Variants in B4GALNT4 observed in about 807,000 individuals in gnomAD.
The protein encoded by B4GALNT4 is beta-1,4-N-acetyl-galactosaminyltransferase 4, also known as N-acetyl-beta-glucosaminyl-glycoprotein 4-beta-N-acetylgalactosaminyltransferase 1.
B4GALNT4 carries 77 observed loss-of-function variants against 110.0 expected under a neutral mutation model. The observed-to-expected ratio is 0.70, with a 90% CI of 0.58 to 0.85. The LOEUF (loss-of-function observed/expected upper bound fraction) is 0.85, where lower values mean the gene tolerates loss of function less well. B4GALNT4 is among the 40% of genes least tolerant of loss of function. The probability of loss-of-function intolerance (pLI) is 0.00; values close to 1 mark genes in which losing one functional copy is unlikely to be tolerated. For synonymous variants in B4GALNT4, 785 were observed against 655.5 expected (o/e 1.20, Z -3.02); for missense variants, 1,575 against 1,506.0 (o/e 1.05, Z -0.76).
chr11:373,150 C>T (rs371496134), intron 5 of B4GALNT4, 34 bp downstream of exon 5: 53 of 1,611,844 alleles, frequency 3.3e-5, no homozygotes, highest in Non-Finnish European at 4.3e-5. Context: ...GGGAGGGGTG[C>T]CGTGAGGCTC....
chr11:376,057 GCC>G lies in B4GALNT4; in HGVS notation c.1096-11_1096-10del. The G allele has an allele frequency of 6.3e-7, 1 of 1,579,362 alleles. No homozygotes were observed. Among genetic ancestry groups the G allele is most frequent in the Non-Finnish European group, 8.7e-7 (1 of 1,150,864 alleles). Reference sequence around the variant, plus strand: ...GGGAGGTCCGCGCCCTGAGCCCTGCGCCCCCCCACCCCCCAGGTGTACCTGTC... The same window carrying G: ...GGGAGGTCCGCGCCCTGAGCCCTGCGCCCCCACCCCCCAGGTGTACCTGTC... On this transcript the variant is annotated splice_polypyrimidine_tract_variant and intron_variant, in intron 11 of 19. Transcript: ENST00000329962.
chr11:373,508 G>C lies in B4GALNT4; in HGVS notation c.696G>C (p.Lys232Asn). The change falls in exon 7 of 20, where the codon AAG (lysine) becomes AAC (asparagine). Residue 232 changes from lysine (K) to asparagine (N), a missense_variant. Lys to Asn is a moderately conservative substitution (Grantham distance 94). Transcript: ENST00000329962. ...CCAAGTTCAGCTCCCAGGTGTCCAA[G>C]CCCAGGCGGTGAGTGACTGTGGGGT... ...EFTKFSSQVS[K>N]PRRLMASRRY... 6.2e-7 allele frequency: 1 copy of C among 1,611,308 alleles called. No homozygotes were observed. Among genetic ancestry groups the C allele is most frequent in the South Asian group, 1.1e-5 (1 of 91,038 alleles).
chr11:376,626 C>G lies in B4GALNT4; in HGVS notation c.1503C>G (p.Ala501=). 1 of 1,413,444 alleles carries G rather than the reference C, an allele frequency of 7.1e-7. No individual in the cohort carries two copies. Among genetic ancestry groups the G allele is most frequent in the Non-Finnish European group, 9.2e-7 (1 of 1,085,248 alleles). The allele number at this position is 1,413,444 out of a possible 1,614,324, so 87.6% of individuals were successfully genotyped here. A position where few individuals can be genotyped will look rare whatever the true frequency, so the allele number is the denominator to read the frequency against. ...CCCTGAGCTGGGCCGCCAGGGCCGCCCGCCCTTTGCCGCTCTTCTTGGGCC... is the reference window on the plus strand; with the variant it reads ...CCCTGAGCTGGGCCGCCAGGGCCGCGCGCCCTTTGCCGCTCTTCTTGGGCC... ...SRALSWAARA[A]RPLPLFLGRA... is the part of the protein sequence containing the mutation. Residue 501 remains alanine (A), a synonymous_variant, in exon 14 of 20, where the codon GCC becomes GCG. Transcript: ENST00000329962.
At chr11:377,424 C>T (rs2133575931) in intron 14 of B4GALNT4, 97 bp downstream of exon 14, 1 of 1,319,460 alleles carries the variant, frequency 7.6e-7, no homozygotes, top group East Asian at 3.0e-5. Context: ...AGACCTTCCC[C>T]AGGGCCCAGT....
intron 3 of B4GALNT4, 40 bp downstream of exon 3, chr11:372,794 G>C: frequency 1.3e-6 from 2 of 1,535,796 alleles, no homozygotes; most frequent in Non-Finnish European, 8.8e-7. Flanking sequence ...GAGGCAGGGC[G>C]GGGGCTGGGG....
At chr11:373,421 C>G in intron 6 of B4GALNT4, 28 bp from the exon 7 acceptor site, 2 of 1,354,520 alleles carry the variant, frequency 1.5e-6, no homozygotes, top group Non-Finnish European at 2.1e-6. Context: ...CCCCCCCCCA[C>G]CACCACCCCT....
chr11:375,417 C>A, intron 8 of B4GALNT4, 44 bp from the exon 9 acceptor site: 1 of 1,604,430 alleles, frequency 6.2e-7, no homozygotes, highest in South Asian at 1.1e-5. Context: ...TCCCTGGACC[C>A]AGCCACCGCC....
In B4GALNT4 at chr11:377,136, G is replaced by A. The variant is rs1400120004; in HGVS notation, c.2013G>A (p.Ala671=). Reference sequence around the variant, plus strand: ...ACAGCGAGGAGGCCGCGGGCCCGGCGCTCGGACGCTGGCGTGAGGACGCCA... The same window carrying A: ...ACAGCGAGGAGGCCGCGGGCCCGGCACTCGGACGCTGGCGTGAGGACGCCA... The part of the protein sequence containing the change: ...SEDSEEAAGP[A]LGRWREDAID... Residue 671 remains alanine (A), a synonymous_variant, in exon 14 of 20, where the codon GCG becomes GCA. Coordinates refer to ENST00000329962, the MANE Select transcript of B4GALNT4 (RefSeq NM_178537.5). The A allele has an allele frequency of 2.0e-6, 3 of 1,517,378 alleles. No homozygotes were observed. The highest frequency in any genetic ancestry group is 2.6e-6 in the Non-Finnish European group (3 of 1,133,894). The allele number at this position is 1,517,378 out of a possible 1,614,324, so 94.0% of individuals were successfully genotyped here.
Position 380,966 on chromosome 11 carries a change from A to G in B4GALNT4, c.2996+15A>G. The G allele has an allele frequency of 6.2e-7, 1 of 1,607,826 alleles. No individual in the cohort carries two copies. Among genetic ancestry groups the G allele is most frequent in the Non-Finnish European group, 8.5e-7 (1 of 1,177,332 alleles). ...CTCCTGGACAGGTGACCACCTCCCC[A>G]CTCCCCAGAGGTGACACCCTGACCC... is the stretch of plus-strand genomic sequence containing the variant. On this transcript the variant is annotated intron_variant, in intron 19 of 19. Transcript: ENST00000329962.
chr11:381,861 G>A lies in B4GALNT4; in HGVS notation c.*69G>A, dbSNP rs1220977828. ...CTGCTGGGGGCTGGGCTTTGAGCTC[G>A]GTCCCGAGAGACCCGGCAGGGCTGG... On this transcript the variant is annotated 3_prime_UTR_variant, in exon 20 of 20. Transcript: ENST00000329962. 40 of 1,457,604 alleles carry A rather than the reference G, an allele frequency of 2.7e-5. No homozygotes were observed. The highest frequency in any genetic ancestry group is 1.8e-4 in the Middle Eastern group (1 of 5,478). The allele number at this position is 1,457,604 out of a possible 1,614,324, so 90.3% of individuals were successfully genotyped here.
In B4GALNT4 at chr11:376,504, TC is replaced by T; in HGVS notation, c.1386del (p.Ala463ProfsTer32). 1 of 1,523,020 alleles carries T rather than the reference TC, an allele frequency of 6.6e-7. No individual in the cohort carries two copies. Among genetic ancestry groups the T allele is most frequent in the Non-Finnish European group, 8.7e-7 (1 of 1,143,030 alleles). 94.3% of individuals were successfully genotyped at this position (1,523,020 alleles called of 1,614,324 possible). On this transcript the variant is annotated frameshift_variant, in exon 14 of 20. Transcript: ENST00000329962. LOFTEE classifies it high-confidence loss of function. ...GGCCCCGCCCAGGAGCGGCCCCCAGTCCCCCGCCCCAGCAGCCCCCGCCCAG... is the reference window on the plus strand; with the variant it reads ...GGCCCCGCCCAGGAGCGGCCCCCAGTCCCCGCCCCAGCAGCCCCCGCCCAG... ...EAAPPRSGPQ[S>X]PAPAAPAQPG...
At position 375,715 on chromosome 11, in the gene B4GALNT4, G is replaced by C. The variant is rs1363430302; in HGVS notation, c.927G>C (p.Pro309=). ...CCAGCCACGTGGGGGGGCGTCCGCC[G>C]CAGGAGGAGACCAGCGCAGACATGC... ...SPASHVGGRP[P]QEETSADMLR... is the part of the protein sequence containing the mutation. Residue 309 remains proline (P), a synonymous_variant, in exon 10 of 20, where the codon CCG becomes CCC. Transcript: ENST00000329962. The C allele has an allele frequency of 6.3e-7, 1 of 1,595,312 alleles. No homozygotes were observed. The highest frequency in any genetic ancestry group is 8.5e-7 in the Non-Finnish European group (1 of 1,175,232).
chr11:373,408 A>ACCCCCCC (rs376849299), intron 6 of B4GALNT4, 41 bp from the exon 7 acceptor site: 77 of 808,644 alleles, frequency 9.5e-5, no homozygotes, highest in African/African-American at 5.8e-4. Flanking sequence ...GAGAGAGTGA[A>ACCCCCCC]CCCCCCCCCC....
At chr11:372,558 T>C in intron 2 of B4GALNT4, 104 bp from the exon 3 acceptor site, 2 of 1,002,058 alleles carry the variant, frequency 2.0e-6, no homozygotes, top group Non-Finnish European at 3.1e-6. Context: ...TTTAGGGCTG[T>C]GTGGATACAT....
intron 2 of B4GALNT4, 135 bp from the exon 3 acceptor site, chr11:372,527 C>A: frequency 1.2e-6 from 1 of 825,712 alleles, no homozygotes; most frequent in African/African-American, 1.7e-5. Context: ...TCAGGGTTTG[C>A]ATGGCTGGGG....
In B4GALNT4 at chr11:372,973, G is replaced by A. The variant is rs377570874; in HGVS notation, c.444+26G>A. ...GTGAGTGCCGGGGTTGGGGGGTGCC[G>A]GGTGGGCAGGGCACGCAGGGGGCTT... is the stretch of plus-strand genomic sequence containing the variant. On this transcript the variant is annotated intron_variant, in intron 4 of 19. Transcript: ENST00000329962. The A allele has an allele frequency of 2.3e-4, 370 of 1,612,352 alleles. 2 individuals carry two copies. In the Middle Eastern group the frequency reaches 6.6e-3, roughly 29 times the overall value.
chr11:380,815 C>G lies in B4GALNT4; in HGVS notation c.2870-10C>G, dbSNP rs771444346. 3.7e-6 allele frequency: 6 copies of G among 1,613,746 alleles called. No homozygotes were observed. In the Admixed American group the frequency reaches 6.7e-5, roughly 18 times the overall value. On this transcript the variant is annotated splice_polypyrimidine_tract_variant and intron_variant, in intron 18 of 19. Transcript: ENST00000329962. The stretch of plus-strand genomic sequence containing the variant: ...TCTGAAGGGTAGCACCCCTCACCCT[C>G]CCGCCCCAGGTTACTGGGAGGTGAA...
intron 18 of B4GALNT4, 162 bp from the exon 19 acceptor site, chr11:380,663 C>A: frequency 7.5e-7 from 1 of 1,326,256 alleles, no homozygotes; most frequent in Non-Finnish European, 1.1e-6. Flanking sequence ...TTATGCACCG[C>A]GCTCCAGGGT....
Position 376,495 on chromosome 11 carries a change from G to A in B4GALNT4, c.1372G>A (p.Gly458Ser), listed in dbSNP as rs1846756807. The change falls in exon 14 of 20, where the codon GGC becomes AGC. Residue 458 changes from glycine (G) to serine (S), a missense_variant. Transcript: ENST00000329962. ...CACCGAGGCGGCCCCGCCCAGGAGC[G>A]GCCCCCAGTCCCCCGCCCCAGCAGC... ...EPTEAAPPRSGPQSPAPAAPA... is the reference protein window; with the variant it reads ...EPTEAAPPRSSPQSPAPAAPA... 1.3e-6 allele frequency: 2 copies of A among 1,560,142 alleles called. No individual in the cohort carries two copies. The highest frequency in any genetic ancestry group is 2.7e-5 in the African/African-American group (2 of 73,808).
Sources: allele counts gnomAD v4.1 joint callset, GRCh38; gene constraint gnomAD v4.1.1; transcripts MANE v1.5; gene names NCBI Gene and HGNC (gene_info 2026-07-23, HGNC 2026-07-21).